The following MYH10 variants were observed in gnomAD, a reference collection of about 807,000 sequenced individuals.
MYH10 encodes the protein myosin-10.
In MYH10, 55 loss-of-function variants were observed where a neutral mutation model predicts 257.8. The observed-to-expected ratio is 0.21, with a 90% CI of 0.17 to 0.27. The LOEUF (loss-of-function observed/expected upper bound fraction) is 0.27. Among genes scored for constraint, MYH10 ranks in the 10% least tolerant of loss-of-function variants. MYH10 has a pLI of 1.00. For synonymous variants in MYH10, 854 were observed against 921.7 expected (o/e 0.93, Z 1.33); for missense variants, 1,631 against 2,500.6 (o/e 0.65, Z 7.42).
intron 28 of MYH10, among the ~76,000 whole-genome samples, chr17:8,501,323 A>G (rs1917473989): frequency 6.6e-6 from 1 of 152,102 alleles, no homozygotes; most frequent in African/African-American, 2.4e-5. Context: ...AACCAGTGCA[A>G]CTTCCATGCC....
chr17:8,533,382 A>C (rs1323176333), intron 16 of MYH10, among the ~76,000 whole-genome samples: 2 of 152,154 alleles, frequency 1.3e-5, no homozygotes, highest in Admixed American at 1.3e-4. Context: ...CTCTAAAGCC[A>C]AATGGAACAC....
Position 8,560,810 on chromosome 17 carries a change from C to A in MYH10, c.757-6792G>T, listed in dbSNP as rs141816976. On this transcript the variant is annotated intron_variant, in intron 7 of 42. Coordinates refer to ENST00000360416, the MANE Select transcript of MYH10 (RefSeq NM_001256012.3). Reference sequence around the variant, plus strand: ...GACACAAATGGTTCCCAGTTTTTCACCTGTGTGGCCAAGACTGAGTGGCTG... The same window carrying A: ...GACACAAATGGTTCCCAGTTTTTCAACTGTGTGGCCAAGACTGAGTGGCTG... The A allele has an allele frequency of 1.4e-5, 8 of 589,064 alleles. No individual in the cohort carries two copies. In the Admixed American group the frequency reaches 1.5e-4, roughly 11 times the overall value. The allele number at this position is 589,064 out of a possible 1,614,324, so 36.5% of individuals were successfully genotyped here.
chr17:8,584,904 C>T lies in MYH10; in HGVS notation c.530+4177G>A, dbSNP rs112385145. On this transcript the variant is annotated intron_variant, in intron 4 of 42. Coordinates refer to ENST00000360416, the MANE Select transcript of MYH10 (RefSeq NM_001256012.3). The stretch of plus-strand genomic sequence containing the variant: ...TATTGCCCAGGCTGGAGTGCAATGG[C>T]GCAATCTCAGCTCACCACAACCTCC... Among the ~76,000 whole-genome samples the T allele has an allele frequency of 1.3e-3, 202 of 152,172 alleles. 1 individual carries two copies. The highest frequency in any genetic ancestry group is 4.3e-3 in the African/African-American group (180 of 41,516).
chr17:8,479,538 C>G (rs1913306468), intron 40 of MYH10, among the ~76,000 whole-genome samples: 1 of 152,144 alleles, frequency 6.6e-6, no homozygotes, highest in Non-Finnish European at 1.5e-5. Flanking sequence ...GGGGAGGATG[C>G]AGGGTTCTGG....
At chr17:8,540,023 G>C (rs1340750201) in intron 14 of MYH10, among the ~76,000 whole-genome samples, 1 of 152,122 alleles carries the variant, frequency 6.6e-6, no homozygotes, top group Non-Finnish European at 1.5e-5. Flanking sequence ...AGGGTCTCAC[G>C]CTGTCGCCTA....
chr17:8,518,486 T>A lies in MYH10; in HGVS notation c.2504+145A>T, dbSNP rs1055469428. 8 of 799,660 alleles carry A rather than the reference T, an allele frequency of 1.0e-5. No individual in the cohort carries two copies. The Admixed American group carries it at 2.3e-4, about 23-fold the overall frequency. 49.5% of individuals were successfully genotyped at this position (799,660 alleles called of 1,614,324 possible). ...CCCATTACTTAGAATGTTCATGTAT[T>A]TACCTGACTATCTCTGCCACTATAA... On this transcript the variant is annotated intron_variant, in intron 21 of 42. Transcript: ENST00000360416.
At chr17:8,602,038 C>T (rs558432003) in intron 3 of MYH10, among the ~76,000 whole-genome samples, 4 of 149,900 alleles carry the variant, frequency 2.7e-5, no homozygotes, top group Admixed American at 2.0e-4. Flanking sequence ...CACAGTGTCA[C>T]GATCTCGGCT....
chr17:8,610,292 A>AAAAAAAAAAAAAAAAG (rs61107083), intron 2 of MYH10, among the ~76,000 whole-genome samples: 2 of 147,286 alleles, frequency 1.4e-5, no homozygotes, highest in Admixed American at 1.4e-4. Context: ...AAAAAAAAAA[A>AAAAAAAAAAAAAAAAG]GGGTTGGGGG....
chr17:8,561,986 A>C (rs1417490676), intron 7 of MYH10, among the ~76,000 whole-genome samples: 1 of 152,238 alleles, frequency 6.6e-6, no homozygotes, highest in Non-Finnish European at 1.5e-5. Context: ...TATTTCTGAA[A>C]ATATATTTGG....
At chr17:8,517,599 G>C (rs990254991) in intron 21 of MYH10, among the ~76,000 whole-genome samples, 1 of 152,116 alleles carries the variant, frequency 6.6e-6, no homozygotes, top group Admixed American at 6.5e-5. Flanking sequence ...CTTTTCTCTC[G>C]TTCTCCACCA....
chr17:8,528,883 A>C (rs1482601369), intron 17 of MYH10, among the ~76,000 whole-genome samples: 1 of 152,186 alleles, frequency 6.6e-6, no homozygotes, highest in Non-Finnish European at 1.5e-5. Flanking sequence ...GCCTTGGTAG[A>C]TGGATGGGCT....
intron 21 of MYH10, among the ~76,000 whole-genome samples, chr17:8,518,055 G>T (rs1378904039): frequency 1.3e-4 from 10 of 76,360 alleles, no homozygotes; most frequent in South Asian, 9.0e-4. Flanking sequence ...TGTGTGAGAA[G>T]CATTCTCTGA....
intron 14 of MYH10, 95 bp from the exon 15 acceptor site, chr17:8,536,026 G>A: frequency 1.7e-6 from 2 of 1,185,524 alleles, no homozygotes; most frequent in Non-Finnish European, 2.4e-6. Context: ...TTAGTTTTAT[G>A]AAGATCCATG....
chr17:8,560,577 C>T lies in MYH10; in HGVS notation c.757-6559G>A, dbSNP rs1156485009. ...ACAAAGTTCCAAAAACAGTGGAAAA[C>T]TTTCGTGCACTGAGCACTGGAGGAA... On this transcript the variant is annotated intron_variant, in intron 7 of 42. Transcript: ENST00000360416. The T allele has an allele frequency of 6.0e-6, 5 of 835,678 alleles. No individual in the cohort carries two copies. In the East Asian group the frequency reaches 2.1e-4, roughly 35 times the overall value. The allele number at this position is 835,678 out of a possible 1,614,324, so 51.8% of individuals were successfully genotyped here.
Position 8,506,445 on chromosome 17 carries a change from C to T in MYH10, c.3259G>A (p.Ala1087Thr), listed in dbSNP as rs1338543257. 1 of 1,612,556 alleles carries T rather than the reference C, an allele frequency of 6.2e-7. No individual in the cohort carries two copies. The highest frequency in any genetic ancestry group is 1.1e-5 in the South Asian group (1 of 90,712). Residue 1087 changes from alanine to threonine, a missense_variant, in exon 27 of 43, where the codon GCC (alanine) becomes ACC (threonine). By Grantham distance (58) the Ala-to-Thr change is moderately conservative (BLOSUM62 0). Transcript: ENST00000360416. This position sits in a 1 kb window ranked among gnomAD's most constrained non-coding sequence, Gnocchi z 5.0. The stretch of plus-strand genomic sequence containing the variant: ...GTCTCCCCGTCGAGTTTTCTTTTGG[C>T]CTTTTCCAGTTCCTGACGAGTCTTT... ...EEKTRQELEKAKRKLDGETTD... is the reference protein window; with the variant it reads ...EEKTRQELEKTKRKLDGETTD...
intron 2 of MYH10, among the ~76,000 whole-genome samples, chr17:8,622,013 A>G (rs963193109): frequency 6.6e-6 from 1 of 152,198 alleles, no homozygotes; most frequent in Non-Finnish European, 1.5e-5. Context: ...CTAATTCTGT[A>G]GGAAAACTAG....
intron 4 of MYH10, among the ~76,000 whole-genome samples, chr17:8,585,234 G>GTA (rs778661172): frequency 3.5e-4 from 3 of 8,528 alleles, no homozygotes; most frequent in South Asian, 0.033. Flanking sequence ...ATATGTGTGT[G>GTA]TATATATGTG....
intron 2 of MYH10, among the ~76,000 whole-genome samples, chr17:8,611,668 G>A (rs1449597205): frequency 6.6e-6 from 1 of 152,152 alleles, no homozygotes; most frequent in Non-Finnish European, 1.5e-5. Context: ...GAAACAATTA[G>A]TTACACGGCA....
intron 17 of MYH10, among the ~76,000 whole-genome samples, chr17:8,529,689 G>A (rs1267355247): frequency 2.6e-5 from 4 of 152,174 alleles, no homozygotes; most frequent in Non-Finnish European, 5.9e-5. Context: ...GGAATTTTGA[G>A]TTGGATTAAA....
Sources: allele counts gnomAD v4.1 joint callset (sites outside exome capture counted in the v4.1 genomes callset), GRCh38; gene constraint gnomAD v4.1.1; non-coding constraint Gnocchi (gnomAD v3.1); transcripts MANE v1.5; gene names NCBI Gene and HGNC (gene_info 2026-07-23, HGNC 2026-07-21).